Variants in ZFYVE28 observed in about 807,000 individuals in gnomAD.
ZFYVE28 encodes zinc finger FYVE-type containing 28.
Under a neutral mutation model 82.1 loss-of-function variants are expected in ZFYVE28, and 40 were observed. The observed-to-expected ratio is 0.49, with a 90% CI of 0.38 to 0.63. The LOEUF (loss-of-function observed/expected upper bound fraction) is 0.63. ZFYVE28 is among the 30% of genes least tolerant of loss of function. The pLI, the probability that ZFYVE28 is intolerant of heterozygous loss-of-function variation, is 0.00. For missense variants in ZFYVE28, 1,321 were observed against 1,242.1 expected (o/e 1.06, Z -0.96); for synonymous variants, 612 against 546.1 (o/e 1.12, Z -1.68).
At chr4:2,326,540 A>G (rs964746211) in intron 6 of ZFYVE28, among the ~76,000 whole-genome samples, 1 of 151,814 alleles carries the variant, frequency 6.6e-6, no homozygotes, top group East Asian at 1.9e-4. Flanking sequence ...TTATGGTTCT[A>G]TATGAATTAT....
At chr4:2,307,880 A>G (rs1490730169) in intron 7 of ZFYVE28, among the ~76,000 whole-genome samples, 1 of 152,228 alleles carries the variant, frequency 6.6e-6, no homozygotes, top group Non-Finnish European at 1.5e-5. Context: ...AGACACTAAT[A>G]GATAACCATA....
intron 6 of ZFYVE28, chr4:2,329,116 A>G: frequency 2.9e-6 from 2 of 700,618 alleles, no homozygotes; most frequent in Non-Finnish European, 5.2e-6. Context: ...GCAGTTCCAC[A>G]TGAATTTTAG....
At position 2,335,241 on chromosome 4, in the gene ZFYVE28, C is replaced by T. The variant is rs948746805; in HGVS notation, c.701+464G>A. Among the ~76,000 whole-genome samples, 1 of 152,046 alleles carries T rather than the reference C, an allele frequency of 6.6e-6. No homozygotes were observed. The highest frequency in any genetic ancestry group is 2.1e-4 in the South Asian group (1 of 4,818). On this transcript the variant is annotated intron_variant, in intron 6 of 12. Transcript: ENST00000290974. The surrounding 1 kb of genome is among the most constrained non-coding windows in gnomAD (Gnocchi z 5.8). ...TGCCCTTCAACCCAATGTGCTTCAC[C>T]TCCCTGCCAGCCCCCAAATTATTCA...
At position 2,353,363 on chromosome 4, in the gene ZFYVE28, G is replaced by T. The variant is rs771879153; in HGVS notation, c.180+570C>A. ...CCGCAAGGATTCAGCAAGACCCTGTGGGAAGAGTACACCAAGAACATTCCG... is the reference window on the plus strand; with the variant it reads ...CCGCAAGGATTCAGCAAGACCCTGTTGGAAGAGTACACCAAGAACATTCCG... On this transcript the variant is annotated intron_variant, in intron 2 of 12. Transcript: ENST00000290974. 9.2e-4 allele frequency among the ~76,000 whole-genome samples: 140 copies of T among 152,240 alleles called. 2 individuals are homozygous for T. The highest frequency in any genetic ancestry group is 2.0e-4 in the Admixed American group (3 of 15,282).
rs904145099 is a variant in ZFYVE28, at chr4:2,332,607, C to T, written c.701+3098G>A. On this transcript the variant is annotated intron_variant, in intron 6 of 12. Coordinates refer to ENST00000290974, the MANE Select transcript of ZFYVE28 (RefSeq NM_020972.3). The surrounding 1 kb of genome is among the most constrained non-coding windows in gnomAD (Gnocchi z 4.7). ...ATGCAGTAGGCACTCAATACTTGCT[C>T]ACTGAATGAACACAGGAAGGAGCAG... 7.9e-5 allele frequency among the ~76,000 whole-genome samples: 12 copies of T among 152,312 alleles called. No individual in the cohort carries two copies. The highest frequency in any genetic ancestry group is 2.9e-4 in the African/African-American group (12 of 41,566).
intron 1 of ZFYVE28, among the ~76,000 whole-genome samples, chr4:2,380,448 A>T (rs1728615119): frequency 6.6e-6 from 1 of 152,230 alleles, no homozygotes; most frequent in Admixed American, 6.5e-5. Context: ...AGTCATTCTT[A>T]ACGCCCTGTC....
At position 2,271,732 on chromosome 4, in the gene ZFYVE28, G is replaced by C; in HGVS notation, c.2371C>G (p.Gln791Glu). 2 of 1,613,920 alleles carry C rather than the reference G, an allele frequency of 1.2e-6. No individual in the cohort carries two copies. The highest frequency in any genetic ancestry group is 1.7e-6 in the Non-Finnish European group (2 of 1,180,006). ...AGTTCAGAGGATGACAGGGTCTCCT[G>C]GCACAGTGCACAGTCCTCCAAGGCC... The part of the protein sequence containing the change: ...SAALEDCALC[Q>E]ETLSSSELAA... The change falls in exon 11 of 13, where the codon CAG becomes GAG. Residue 791 changes from glutamine to glutamate, a missense_variant. Transcript: ENST00000290974.
rs139807591 is a variant in ZFYVE28 at position 2,407,397 on chromosome 4, G to T, written c.39+10888C>A. Among the ~76,000 whole-genome samples, 280 of 152,014 alleles carry T rather than the reference G, an allele frequency of 1.8e-3. 1 individual carries two copies. The highest frequency in any genetic ancestry group is 6.4e-3 in the African/African-American group (266 of 41,460). ...GTCCAGCAGAGGCCCCTGTGAGGTT[G>T]CAGCCTGTCCCCTTAGGCCCCTCAG... On this transcript the variant is annotated intron_variant, in intron 1 of 12. Coordinates refer to ENST00000290974, the MANE Select transcript of ZFYVE28 (RefSeq NM_020972.3).
chr4:2,313,537 T>G (rs1194352176), intron 7 of ZFYVE28, among the ~76,000 whole-genome samples: 1 of 151,990 alleles, frequency 6.6e-6, no homozygotes, highest in Non-Finnish European at 1.5e-5. Flanking sequence ...GGACTACAGG[T>G]ATGAACCACT....
rs373087578 is a variant in ZFYVE28, at chr4:2,309,224, G to A, written c.804-3688C>T. On this transcript the variant is annotated intron_variant, in intron 7 of 12. Transcript: ENST00000290974. The stretch of plus-strand genomic sequence containing the variant: ...TCTTGTGTTTGGCCTCTTTGCACAC[G>A]CCCCCTTCCCCTCCTGCTTCTCTGC... 1.9e-4 allele frequency among the ~76,000 whole-genome samples: 29 copies of A among 152,196 alleles called. No homozygotes were observed. The South Asian group carries it at 5.2e-3, about 27-fold the overall frequency.
chr4:2,389,992 G>A (rs1729663046), intron 1 of ZFYVE28, among the ~76,000 whole-genome samples: 2 of 152,176 alleles, frequency 1.3e-5, no homozygotes, highest in Non-Finnish European at 2.9e-5. Flanking sequence ...TTGAATGGCG[G>A]CCCCCCGAAG....
At chr4:2,345,910 A>T (rs1723470999) in intron 2 of ZFYVE28, among the ~76,000 whole-genome samples, 1 of 152,172 alleles carries the variant, frequency 6.6e-6, no homozygotes. Context: ...TAAGGGGGAA[A>T]AAATATCAAC....
chr4:2,327,315 A>G, intron 6 of ZFYVE28, among the ~76,000 whole-genome samples: 1 of 126,610 alleles, frequency 7.9e-6, no homozygotes. Flanking sequence ...TATATCGAAT[A>G]AAGTTGCCAT....
chr4:2,404,309 CAA>C (rs55924862), intron 1 of ZFYVE28, among the ~76,000 whole-genome samples: 2 of 66,532 alleles, frequency 3.0e-5, no homozygotes, highest in East Asian at 8.9e-4. Flanking sequence ...GACTCCGCCT[CAA>C]AAAAAAAAAA....
chr4:2,315,801 A>T (rs925223235), intron 7 of ZFYVE28, among the ~76,000 whole-genome samples: 1 of 152,128 alleles, frequency 6.6e-6, no homozygotes, highest in Non-Finnish European at 1.5e-5. Context: ...ATCTGTGGCT[A>T]GAGATTTTTG....
intron 1 of ZFYVE28, among the ~76,000 whole-genome samples, chr4:2,378,178 T>C (rs112403091): frequency 0.18 from 27,350 of 152,078 alleles, 2,895 homozygotes; most frequent in African/African-American, 0.3. Flanking sequence ...CCATCTCTAC[T>C]AAAAATGCAA....
rs1041115226 is a variant in ZFYVE28 at position 2,320,005 on chromosome 4, C to A, written c.803+165G>T. 6.6e-6 allele frequency among the ~76,000 whole-genome samples: 1 copy of A among 152,208 alleles called. No homozygotes were observed. Among genetic ancestry groups the A allele is most frequent in the Non-Finnish European group, 1.5e-5 (1 of 68,034 alleles). Reference sequence around the variant, plus strand: ...AGGGGCAAAAGCCAGGACTCTGTGACCCCCATGGGTCGTTTGTGACCCCTC... The same window carrying A: ...AGGGGCAAAAGCCAGGACTCTGTGAACCCCATGGGTCGTTTGTGACCCCTC... On this transcript the variant is annotated intron_variant, in intron 7 of 12. Coordinates refer to ENST00000290974, the MANE Select transcript of ZFYVE28 (RefSeq NM_020972.3). The surrounding 1 kb of genome is among the most constrained non-coding windows in gnomAD (Gnocchi z 5.1).
At chr4:2,328,977 G>A (rs1045404288) in intron 6 of ZFYVE28, 8 of 572,828 alleles carry the variant, frequency 1.4e-5, no homozygotes, top group Middle Eastern at 2.9e-4. Flanking sequence ...TTATTCCATT[G>A]GTCTATACAT....
chr4:2,270,597 T>C lies in ZFYVE28; in HGVS notation c.*128A>G. The C allele has an allele frequency of 7.3e-7, 1 of 1,375,666 alleles. No homozygotes were observed. The allele number at this position is 1,375,666 out of a possible 1,614,324, so 85.2% of individuals were successfully genotyped here. A position where few individuals can be genotyped will look rare whatever the true frequency, so the allele number is the denominator to read the frequency against. On this transcript the variant is annotated 3_prime_UTR_variant, in exon 13 of 13. Transcript: ENST00000290974. ...GGCAGGACAGAGGCTCTGGATGCTC[T>C]GGAGGTCTGGGTGCCCCTGCAGCAG...
Sources: allele counts gnomAD v4.1 joint callset (sites outside exome capture counted in the v4.1 genomes callset), GRCh38; gene constraint gnomAD v4.1.1; non-coding constraint Gnocchi (gnomAD v3.1); transcripts MANE v1.5; gene names NCBI Gene and HGNC (gene_info 2026-07-23, HGNC 2026-07-21).